The following ARHGAP26 variants were observed in gnomAD, a reference collection of about 807,000 sequenced individuals.
The protein encoded by ARHGAP26 is rho GTPase-activating protein 26.
ARHGAP26 carries 38 observed loss-of-function variants against 104.8 expected under a neutral mutation model. That is an observed-to-expected ratio of 0.36 (90% CI 0.28 to 0.48). The LOEUF is 0.48. Among genes scored for constraint, ARHGAP26 ranks in the 20% least tolerant of loss-of-function variants. ARHGAP26 has a pLI of 0.99. For missense variants in ARHGAP26, 704 were observed against 947.9 expected, an observed-to-expected ratio of 0.74 and a Z score of 3.38; for synonymous variants, 341 against 340.0, an observed-to-expected ratio of 1.00 and a Z score of -0.03.
At chr5:142,833,342 T>TG (rs780638608) in intron 1 of ARHGAP26, among the ~76,000 whole-genome samples, 7 of 152,056 alleles carry the variant, frequency 4.6e-5, no homozygotes, top group Non-Finnish European at 7.4e-5. Context: ...ATTACAGGCA[T>TG]GAGCCACTGT....
chr5:143,167,781 G>A (rs1245088730), intron 20 of ARHGAP26, among the ~76,000 whole-genome samples: 1 of 152,128 alleles, frequency 6.6e-6, no homozygotes, highest in Non-Finnish European at 1.5e-5. Flanking sequence ...ATCACATATA[G>A]AAAGTTCAGC....
intron 11 of ARHGAP26, among the ~76,000 whole-genome samples, chr5:143,011,430 G>A (rs1778735647): frequency 1.3e-5 from 2 of 150,100 alleles, no homozygotes; most frequent in African/African-American, 4.9e-5. Flanking sequence ...AGAGATTACA[G>A]ATGTCTAGTT....
chr5:142,835,851 A>G (rs530264837), intron 1 of ARHGAP26, among the ~76,000 whole-genome samples: 5 of 152,366 alleles, frequency 3.3e-5, no homozygotes, highest in African/African-American at 4.8e-5. Context: ...AGTGATCTCA[A>G]TTAGATTCTA....
chr5:143,207,733 T>C (rs995837969), intron 21 of ARHGAP26, among the ~76,000 whole-genome samples: 16 of 152,246 alleles, frequency 1.1e-4, no homozygotes, highest in African/African-American at 3.9e-4. Context: ...CTCAATTTCA[T>C]GTGCTCTCTG....
intron 17 of ARHGAP26, among the ~76,000 whole-genome samples, chr5:143,093,965 C>T (rs1176463629): frequency 1.3e-5 from 2 of 152,154 alleles, no homozygotes; most frequent in Non-Finnish European, 2.9e-5. Context: ...GGGGATTTCT[C>T]ACCTCTTGTT....
Position 143,210,913 on chromosome 5 carries a change from A to C in ARHGAP26, c.2100-3084A>C, listed in dbSNP as rs557934468. On this transcript the variant is annotated intron_variant, in intron 21 of 22. Transcript: ENST00000645722. ...AGGGCACTGTTGACAGGAGCAGCCGAAAACTACCCCAGGCCCTCTGTATCC... is the reference window on the plus strand; with the variant it reads ...AGGGCACTGTTGACAGGAGCAGCCGCAAACTACCCCAGGCCCTCTGTATCC... Among the ~76,000 whole-genome samples, 82 of 152,364 alleles carry C rather than the reference A, an allele frequency of 5.4e-4. 1 individual carries two copies. Among genetic ancestry groups the C allele is most frequent in the African/African-American group, 1.8e-3 (74 of 41,592 alleles).
At chr5:143,074,482 T>A (rs1384329210) in intron 17 of ARHGAP26, among the ~76,000 whole-genome samples, 1 of 152,248 alleles carries the variant, frequency 6.6e-6, no homozygotes, top group Non-Finnish European at 1.5e-5. Flanking sequence ...CTAATAATTT[T>A]TCTTAACATT....
intron 6 of ARHGAP26, among the ~76,000 whole-genome samples, chr5:142,895,172 A>G (rs980191848): frequency 1.3e-5 from 2 of 152,200 alleles, no homozygotes; most frequent in African/African-American, 2.4e-5. Flanking sequence ...AGACTCAAGC[A>G]TGGCATCTCT....
intron 1 of ARHGAP26, among the ~76,000 whole-genome samples, chr5:142,822,655 C>G (rs1280890372): frequency 2.0e-5 from 3 of 151,876 alleles, no homozygotes; most frequent in Non-Finnish European, 4.4e-5. Flanking sequence ...TGTGTGTATG[C>G]ACACACACCA....
chr5:142,882,799 A>G (rs1032778112), intron 4 of ARHGAP26, among the ~76,000 whole-genome samples: 16 of 152,166 alleles, frequency 1.1e-4, no homozygotes, highest in Admixed American at 8.5e-4. Flanking sequence ...ATTTTGTTAT[A>G]TGGTCCTTGA....
At chr5:142,885,759 C>CTTTA (rs1757611116) in intron 5 of ARHGAP26, among the ~76,000 whole-genome samples, 1 of 152,208 alleles carries the variant, frequency 6.6e-6, no homozygotes, top group Admixed American at 6.5e-5. Context: ...CTTTTGACTT[C>CTTTA]CTGCCTCTTA....
chr5:142,882,531 C>A (rs1757149639), intron 4 of ARHGAP26, among the ~76,000 whole-genome samples: 1 of 152,196 alleles, frequency 6.6e-6, no homozygotes, highest in African/African-American at 2.4e-5. Flanking sequence ...AGACATCAGA[C>A]AAAAAGATAC....
At chr5:142,843,835 G>A (rs887738955) in intron 1 of ARHGAP26, among the ~76,000 whole-genome samples, 1 of 152,094 alleles carries the variant, frequency 6.6e-6, no homozygotes, top group Non-Finnish European at 1.5e-5. Flanking sequence ...CTGTGATATG[G>A]TGATGAAGAG....
At chr5:143,001,609 G>C (rs530176452) in intron 11 of ARHGAP26, among the ~76,000 whole-genome samples, 3 of 152,356 alleles carry the variant, frequency 2.0e-5, no homozygotes, top group South Asian at 2.1e-4. Flanking sequence ...TAAATGTGCT[G>C]TTCTGGCTGG....
chr5:143,177,555 C>T (rs535592602), intron 20 of ARHGAP26, among the ~76,000 whole-genome samples: 3 of 152,306 alleles, frequency 2.0e-5, no homozygotes, highest in African/African-American at 7.2e-5. Flanking sequence ...AGACAAGGTG[C>T]TGTCGGCAGA....
At chr5:142,904,856 G>A (rs1324198598) in intron 8 of ARHGAP26, among the ~76,000 whole-genome samples, 2 of 152,188 alleles carry the variant, frequency 1.3e-5, no homozygotes, top group Admixed American at 6.5e-5. Flanking sequence ...TTAGGCAGAT[G>A]TCTTCACTCC....
intron 20 of ARHGAP26, among the ~76,000 whole-genome samples, chr5:143,150,068 T>C (rs1440422463): frequency 6.6e-6 from 1 of 152,164 alleles, no homozygotes; most frequent in Admixed American, 6.5e-5. Context: ...AAATCAGGCA[T>C]CAAAATTAGA....
intron 1 of ARHGAP26, chr5:142,772,766 T>A (rs771559077): frequency 5.8e-5 from 31 of 533,336 alleles, no homozygotes; most frequent in Middle Eastern, 3.2e-4. Context: ...TTCTGCCCCA[T>A]CTCACTTGCC....
At chr5:142,820,568 G>A (rs1047137394) in intron 1 of ARHGAP26, among the ~76,000 whole-genome samples, 5 of 152,186 alleles carry the variant, frequency 3.3e-5, no homozygotes, top group Admixed American at 6.5e-5. Flanking sequence ...GTTTGTGAGC[G>A]GCTACGATGG....
Sources: gnomAD v4.1 joint callset for allele counts (sites outside exome capture counted in the v4.1 genomes callset) on GRCh38, gnomAD v4.1.1 for gene constraint, MANE v1.5 for transcripts, NCBI Gene and HGNC (gene_info 2026-07-23, HGNC 2026-07-21) for gene names.